The following UBAP2 variants were observed in gnomAD, a reference collection of about 807,000 sequenced individuals.
UBAP2 encodes the protein ubiquitin-associated protein 2.
Under a neutral mutation model 139.6 loss-of-function variants are expected in UBAP2, and 75 were observed. That is an observed-to-expected ratio of 0.54 (90% CI 0.45 to 0.65). The LOEUF (loss-of-function observed/expected upper bound fraction) is 0.65. Among genes scored for constraint, UBAP2 ranks in the 30% least tolerant of loss-of-function variants. The pLI, the probability that UBAP2 is intolerant of heterozygous loss-of-function variation, is 0.00. For missense variants in UBAP2, 1,368 were observed against 1,369.6 expected, an observed-to-expected ratio of 1.00 and a Z score of 0.02; for synonymous variants, 526 against 526.2, an observed-to-expected ratio of 1.00 and a Z score of 0.01.
chr9:33,941,755 G>C lies in UBAP2; in HGVS notation c.1823C>G (p.Ala608Gly). The change falls in exon 16 of 29, where the codon GCT (alanine) becomes GGT (glycine). Residue 608 changes from alanine to glycine, a missense_variant. Physicochemically the swap from Ala to Gly is moderately conservative, Grantham distance 60 (BLOSUM62 0). Coordinates refer to ENST00000379238, the MANE Select transcript of UBAP2 (RefSeq NM_001370062.2). Reference protein sequence around the residue: ...CSLTSSSLNSASPVAMSSSYD... With the variant: ...CSLTSSSLNSGSPVAMSSSYD... Reference sequence around the variant, plus strand: ...AGAGGAAGACATTGCTACTGGACTAGCAGAATTCAGTGATGAGCTTGTCAG... The same window carrying C: ...AGAGGAAGACATTGCTACTGGACTACCAGAATTCAGTGATGAGCTTGTCAG... 1 of 1,614,114 alleles carries C rather than the reference G, an allele frequency of 6.2e-7. No individual in the cohort carries two copies. Among genetic ancestry groups the C allele is most frequent in the Non-Finnish European group, 8.5e-7 (1 of 1,179,996 alleles).
intron 3 of UBAP2, chr9:33,998,574 T>C (rs749008683): frequency 6.1e-6 from 3 of 493,824 alleles, no homozygotes; most frequent in Non-Finnish European, 1.1e-5. Flanking sequence ...CTCAGAAAGA[T>C]TATATTGTAA....
rs536242913 is a variant in UBAP2, at chr9:34,045,806, T to TA, written c.-42+3018dup. Among the ~76,000 whole-genome samples the TA allele has an allele frequency of 1.5e-3, 230 of 152,218 alleles. 1 individual carries two copies. The highest frequency in any genetic ancestry group is 2.7e-3 in the Non-Finnish European group (182 of 67,986). On this transcript the variant is annotated intron_variant, in intron 1 of 28. Transcript: ENST00000379238. The stretch of plus-strand genomic sequence containing the variant: ...TGATAAATTTGATTCTTTGAGTTAG[T>TA]AAAAAAAGGATCCTATTCCTAAATA...
At chr9:33,952,347 C>G (rs1411660414) in intron 12 of UBAP2, among the ~76,000 whole-genome samples, 1 of 152,174 alleles carries the variant, frequency 6.6e-6, no homozygotes, top group African/African-American at 2.4e-5. Context: ...CCTATCTTCA[C>G]AGCCTTCACT....
In UBAP2 at chr9:34,000,406, C is replaced by A. The variant is rs187982378; in HGVS notation, c.100-1542G>T. Among the ~76,000 whole-genome samples the A allele has an allele frequency of 5.3e-5, 8 of 152,290 alleles. No individual in the cohort carries two copies. The East Asian group carries it at 1.3e-3, about 26-fold the overall frequency. On this transcript the variant is annotated intron_variant, in intron 2 of 28. Transcript: ENST00000379238. ...AAAAGTTCTAAAGAAAGTTATTCTTCTGTGGCGTGACTTTGTAATGTGCCA... is the reference window on the plus strand; with the variant it reads ...AAAAGTTCTAAAGAAAGTTATTCTTATGTGGCGTGACTTTGTAATGTGCCA...
chr9:33,958,985 C>A (rs2130999757), intron 10 of UBAP2, among the ~76,000 whole-genome samples: 1 of 151,950 alleles, frequency 6.6e-6, no homozygotes, highest in East Asian at 2.0e-4. Flanking sequence ...CCCGTCTCTA[C>A]TAAAAATACA....
intron 6 of UBAP2, among the ~76,000 whole-genome samples, chr9:33,975,801 C>CAAAAAAA (rs556958048): frequency 1.4e-5 from 1 of 72,334 alleles, no homozygotes. Flanking sequence ...GACTCCGTCT[C>CAAAAAAA]AAAAAAAAAA....
chr9:33,971,794 C>T, intron 7 of UBAP2, 40 bp from the exon 8 acceptor site: 1 of 1,251,156 alleles, frequency 8.0e-7, no homozygotes. Flanking sequence ...GCAAAAGAAG[C>T]AAACACCTAA....
At chr9:33,940,704 G>A (rs550723914) in intron 16 of UBAP2, among the ~76,000 whole-genome samples, 3 of 152,152 alleles carry the variant, frequency 2.0e-5, no homozygotes, top group Non-Finnish European at 4.4e-5. Flanking sequence ...CACTGAGCCC[G>A]GGAGGTCAAG....
chr9:33,943,854 C>T (rs1205289924), intron 14 of UBAP2, among the ~76,000 whole-genome samples: 1 of 151,894 alleles, frequency 6.6e-6, no homozygotes, highest in East Asian at 1.9e-4. Flanking sequence ...ATCATTTGCA[C>T]CCAGGAGTTC....
intron 20 of UBAP2, 33 bp downstream of exon 20, chr9:33,927,763 AG>A (rs755390513): frequency 6.3e-7 from 1 of 1,578,290 alleles, no homozygotes; most frequent in Non-Finnish European, 8.6e-7. Context: ...TGAGGGGCTC[AG>A]GGGTGGGCAG....
chr9:33,980,834 C>A (rs998523910), intron 6 of UBAP2, among the ~76,000 whole-genome samples: 1 of 151,176 alleles, frequency 6.6e-6, no homozygotes, highest in Non-Finnish European at 1.5e-5. Context: ...GTAGTCCCAG[C>A]TACTAGGGAC....
Position 33,922,065 on chromosome 9 carries a change from A to G in UBAP2, c.*439T>C, listed in dbSNP as rs1243394389. 6.2e-6 allele frequency: 1 copy of G among 160,564 alleles called. No homozygotes were observed. The highest frequency in any genetic ancestry group is 1.4e-5 in the Non-Finnish European group (1 of 73,938). The allele number at this position is 160,564 out of a possible 1,614,324, so 9.9% of individuals were successfully genotyped here. On this transcript the variant is annotated 3_prime_UTR_variant, in exon 29 of 29. Coordinates refer to ENST00000379238, the MANE Select transcript of UBAP2 (RefSeq NM_001370062.2). ...GTATGAAGTAATTACACAGGAAAGA[A>G]AACAATTTCCAAAGGAGTGAGACAA...
chr9:33,981,103 GATATATAT>G (rs569105151), intron 6 of UBAP2, among the ~76,000 whole-genome samples: 112 of 602 alleles, frequency 0.19, 40 homozygotes, highest in African/African-American at 0.29. Flanking sequence ...ATATATTCTG[GATATATAT>G]ATATATATAT....
At chr9:34,007,308 G>C (rs1377319902) in intron 2 of UBAP2, among the ~76,000 whole-genome samples, 4 of 151,994 alleles carry the variant, frequency 2.6e-5, no homozygotes, top group Non-Finnish European at 5.9e-5. Flanking sequence ...AGCCCTGTGG[G>C]TAACTTGGTG....
At chr9:34,004,609 C>T (rs557557803) in intron 2 of UBAP2, among the ~76,000 whole-genome samples, 2 of 151,556 alleles carry the variant, frequency 1.3e-5, no homozygotes, top group East Asian at 2.0e-4. Context: ...GGTGAAACCC[C>T]GTCTCTACTA....
intron 1 of UBAP2, among the ~76,000 whole-genome samples, chr9:34,023,161 G>A (rs930176964): frequency 2.0e-5 from 3 of 151,676 alleles, no homozygotes; most frequent in Non-Finnish European, 4.4e-5. Flanking sequence ...AGGAGGCAGA[G>A]GTTGCAGTGA....
At chr9:33,952,472 T>C (rs1826183009) in intron 12 of UBAP2, among the ~76,000 whole-genome samples, 1 of 152,180 alleles carries the variant, frequency 6.6e-6, no homozygotes, top group African/African-American at 2.4e-5. Context: ...GGGCCTCTGT[T>C]AATCATTTGG....
intron 2 of UBAP2, among the ~76,000 whole-genome samples, chr9:34,014,343 A>AAAG (rs1824053668): frequency 1.3e-5 from 2 of 149,740 alleles, no homozygotes; most frequent in African/African-American, 4.9e-5. Context: ...AAAAAAAAAA[A>AAAG]AAAAAGGTCA....
chr9:34,025,774 T>C (rs1825351504), intron 1 of UBAP2, among the ~76,000 whole-genome samples: 1 of 152,224 alleles, frequency 6.6e-6, no homozygotes, highest in African/African-American at 2.4e-5. Flanking sequence ...ACATACGATC[T>C]TCCCATATTT....
Sources: gnomAD v4.1 joint callset for allele counts (sites outside exome capture counted in the v4.1 genomes callset) on GRCh38, gnomAD v4.1.1 for gene constraint, MANE v1.5 for transcripts, NCBI Gene and HGNC (gene_info 2026-07-23, HGNC 2026-07-21) for gene names.